Variants in EVC2 observed in about 807,000 individuals in gnomAD.
EVC2 encodes EvC ciliary complex subunit 2, also known as limbin.
EVC2 carries 148 observed loss-of-function variants against 149.3 expected under a neutral mutation model. That is an observed-to-expected ratio of 0.99 (90% CI 0.87 to 1.14). The LOEUF is 1.14. Among genes scored for constraint, EVC2 ranks in the 50% most tolerant of loss-of-function variants. The pLI is 0.00. For synonymous variants in EVC2, 776 were observed against 649.9 expected, an observed-to-expected ratio of 1.19 and a Z score of -2.95; for missense variants, 1,854 against 1,627.3, an observed-to-expected ratio of 1.14 and a Z score of -2.40.
rs954573081 is a variant in EVC2 at position 5,632,147 on chromosome 4, C to A, written c.1471-115G>T. On this transcript the variant is annotated intron_variant, in intron 10 of 21. Coordinates refer to ENST00000344408, the MANE Select transcript of EVC2 (RefSeq NM_147127.5). The stretch of plus-strand genomic sequence containing the variant: ...CACACACAATGTGTACATGAACACA[C>A]AGATGCATGCACATATGCATTACAA... 4.4e-6 allele frequency: 6 copies of A among 1,356,298 alleles called. No homozygotes were observed. The African/African-American group carries it at 5.8e-5, about 13-fold the overall frequency. The allele number at this position is 1,356,298 out of a possible 1,614,324, so 84.0% of individuals were successfully genotyped here. A position where few individuals can be genotyped will look rare whatever the true frequency, so the allele number is the denominator to read the frequency against.
At chr4:5,674,366 C>A (rs1286948305) in intron 7 of EVC2, among the ~76,000 whole-genome samples, 3 of 152,140 alleles carry the variant, frequency 2.0e-5, no homozygotes, top group African/African-American at 7.2e-5. Flanking sequence ...TGGCCAGTTC[C>A]CAGAGCCTCC....
At chr4:5,654,951 T>C (rs1036168866) in intron 9 of EVC2, among the ~76,000 whole-genome samples, 10 of 152,184 alleles carry the variant, frequency 6.6e-5, no homozygotes, top group African/African-American at 2.2e-4. Flanking sequence ...ACAGTGGGTA[T>C]TGAGAGGCTC....
At chr4:5,650,581 C>A (rs886627825) in intron 9 of EVC2, among the ~76,000 whole-genome samples, 2 of 136,438 alleles carry the variant, frequency 1.5e-5, no homozygotes, top group African/African-American at 2.7e-5. Context: ...GTGCCTCTTA[C>A]GATCAGGCTT....
intron 17 of EVC2, among the ~76,000 whole-genome samples, chr4:5,583,641 T>C (rs535801234): frequency 1.3e-5 from 2 of 152,302 alleles, no homozygotes; most frequent in Non-Finnish European, 2.9e-5. Flanking sequence ...TATAAAGTTG[T>C]TCATAACATT....
In EVC2 at chr4:5,637,592, A is replaced by T. The variant is rs986274492; in HGVS notation, c.1470+2922T>A. ...TGTGTATACTGTGATGTAAAGTGAA[A>T]ATAAGACATATATACAACTATACAA... On this transcript the variant is annotated intron_variant, in intron 10 of 21. Transcript: ENST00000344408. The surrounding 1 kb of genome is among the most constrained non-coding windows in gnomAD (Gnocchi z 4.4). Among the ~76,000 whole-genome samples, 2 of 152,224 alleles carry T rather than the reference A, an allele frequency of 1.3e-5. No individual in the cohort carries two copies. Among genetic ancestry groups the T allele is most frequent in the Non-Finnish European group, 2.9e-5 (2 of 68,044 alleles).
intron 21 of EVC2, among the ~76,000 whole-genome samples, chr4:5,553,157 G>C (rs1254906748): frequency 6.6e-6 from 1 of 152,190 alleles, no homozygotes; most frequent in Non-Finnish European, 1.5e-5. Flanking sequence ...CTCAGCTTCT[G>C]TGGAGGCCTC....
At chr4:5,596,487 T>C (rs1577135748) in intron 16 of EVC2, among the ~76,000 whole-genome samples, 2 of 151,918 alleles carry the variant, frequency 1.3e-5, no homozygotes, top group African/African-American at 4.8e-5. Flanking sequence ...CATAACAAAA[T>C]GAAGGCAGAA....
At chr4:5,588,720 G>A (rs941261991) in intron 16 of EVC2, among the ~76,000 whole-genome samples, 2 of 151,970 alleles carry the variant, frequency 1.3e-5, no homozygotes, top group Non-Finnish European at 2.9e-5. Context: ...AAATATGTGT[G>A]GTATAGATGT....
chr4:5,682,906 C>T (rs1333166047), intron 6 of EVC2, among the ~76,000 whole-genome samples: 1 of 151,982 alleles, frequency 6.6e-6, no homozygotes, highest in African/African-American at 2.4e-5. Flanking sequence ...GAGCTTGCAG[C>T]CCAGTGAGCT....
intron 22 of EVC2, chr4:5,543,000 G>A (rs1484464892): frequency 5.8e-6 from 3 of 521,672 alleles, no homozygotes; most frequent in Non-Finnish European, 9.5e-6. Flanking sequence ...CACCCACACT[G>A]TTAAGTGATG....
At chr4:5,575,857 T>C (rs997344488) in intron 18 of EVC2, among the ~76,000 whole-genome samples, 1 of 152,200 alleles carries the variant, frequency 6.6e-6, no homozygotes, top group Non-Finnish European at 1.5e-5. Flanking sequence ...CAATAAGGCC[T>C]GTAGTCTAGT....
intron 16 of EVC2, among the ~76,000 whole-genome samples, chr4:5,609,598 C>A (rs1714667231): frequency 6.6e-6 from 1 of 152,198 alleles, no homozygotes; most frequent in Non-Finnish European, 1.5e-5. Context: ...AAGACGAGCA[C>A]TACAGCCCAC....
At position 5,549,650 on chromosome 4, in the gene EVC2, G is replaced by A. The variant is rs16837431; in HGVS notation, c.3420-6438C>T. 2.7e-3 allele frequency among the ~76,000 whole-genome samples: 405 copies of A among 152,284 alleles called. 6 individuals are homozygous for A. In the East Asian group the frequency reaches 0.045, roughly 17 times the overall value. On this transcript the variant is annotated intron_variant and NMD_transcript_variant, in intron 21 of 22. Coordinates refer to the EVC2 transcript ENST00000475313. ...ACCCTCTCACAGAAGTGACAGAACC[G>A]AGAATGAACCCAGAATTCTGATTCC...
intron 7 of EVC2, among the ~76,000 whole-genome samples, chr4:5,672,656 C>T (rs1719724436): frequency 6.6e-6 from 1 of 152,144 alleles, no homozygotes; most frequent in Non-Finnish European, 1.5e-5. Flanking sequence ...TACAACCGAG[C>T]AATTTCACCC....
chr4:5,532,531 T>C, the EVC2 span, among the ~76,000 whole-genome samples: 1 of 152,264 alleles, frequency 6.6e-6, no homozygotes, highest in Admixed American at 6.5e-5. Flanking sequence ...TGAGCCTGCA[T>C]GTTCTTACAC....
intron 9 of EVC2, among the ~76,000 whole-genome samples, chr4:5,656,979 C>T (rs905501551): frequency 1.3e-5 from 2 of 152,198 alleles, no homozygotes; most frequent in Non-Finnish European, 2.9e-5. Context: ...CAAGTGGAGT[C>T]ACCAACACGG....
At chr4:5,627,126 A>G (rs1465070856) in intron 12 of EVC2, among the ~76,000 whole-genome samples, 3 of 152,208 alleles carry the variant, frequency 2.0e-5, no homozygotes, top group African/African-American at 7.2e-5. Context: ...TGCTACCAGC[A>G]TTACCACTAT....
intron 9 of EVC2, among the ~76,000 whole-genome samples, chr4:5,643,447 C>T (rs1039694586): frequency 1.3e-5 from 2 of 152,148 alleles, no homozygotes; most frequent in Admixed American, 6.5e-5. Context: ...CACCTCTAAC[C>T]GCATCTTTGG....
intron 9 of EVC2, among the ~76,000 whole-genome samples, chr4:5,649,290 T>C (rs73198191): frequency 0.2 from 31,164 of 152,144 alleles, 3,234 homozygotes; most frequent in African/African-American, 0.25. Context: ...TTGCTACATA[T>C]GCAAACTGTA....
Sources: gnomAD v4.1 joint callset for allele counts (sites outside exome capture counted in the v4.1 genomes callset) on GRCh38, gnomAD v4.1.1 for gene constraint, Gnocchi (gnomAD v3.1) non-coding constraint, MANE v1.5 for transcripts, NCBI Gene and HGNC (gene_info 2026-07-23, HGNC 2026-07-21) for gene names.